The following FAM107B variants were observed in gnomAD, a reference collection of about 807,000 sequenced individuals.
FAM107B encodes protein FAM107B.
FAM107B carries 21 observed loss-of-function variants against 31.5 expected under a neutral mutation model. The observed-to-expected ratio is 0.67, with a 90% CI of 0.47 to 0.96. FAM107B has a LOEUF of 0.96. Among genes scored for constraint, FAM107B ranks in the 40% least tolerant of loss-of-function variants. The pLI, the probability that FAM107B is intolerant of heterozygous loss-of-function variation, is 0.00. For synonymous variants in FAM107B, 157 were observed against 141.5 expected, an observed-to-expected ratio of 1.11 and a Z score of -0.78; for missense variants, 452 against 377.1, an observed-to-expected ratio of 1.20 and a Z score of -1.64.
chr10:14,647,595 G>C (rs1853789549), intron 2 of FAM107B, among the ~76,000 whole-genome samples: 1 of 150,592 alleles, frequency 6.6e-6, no homozygotes, highest in South Asian at 2.1e-4. Flanking sequence ...GAGGCAGGAG[G>C]AATCACTTGA....
intron 2 of FAM107B, chr10:14,602,747 C>T (rs1386929462): frequency 6.6e-6 from 1 of 152,138 alleles, no homozygotes; most frequent in Non-Finnish European, 1.5e-5. Flanking sequence ...AAAATATAGT[C>T]CATGAAACTT....
chr10:14,771,400 C>T (rs958385372), intron 1 of FAM107B, among the ~76,000 whole-genome samples: 1 of 152,070 alleles, frequency 6.6e-6, no homozygotes, highest in Non-Finnish European at 1.5e-5. Context: ...GGAACAAATT[C>T]GAGTATTCGA....
At chr10:14,759,290 G>C (rs1832995120) in intron 1 of FAM107B, among the ~76,000 whole-genome samples, 1 of 152,184 alleles carries the variant, frequency 6.6e-6, no homozygotes. Context: ...AGAACAAACA[G>C]TGCCAGCAGA....
chr10:14,736,137 T>C (rs556453755), intron 1 of FAM107B, among the ~76,000 whole-genome samples: 1 of 152,218 alleles, frequency 6.6e-6, no homozygotes, highest in Middle Eastern at 3.4e-3. Context: ...AAACAGCATG[T>C]ACCTCCAGAA....
intron 2 of FAM107B, among the ~76,000 whole-genome samples, chr10:14,648,360 G>A (rs1007431700): frequency 1.3e-5 from 2 of 152,230 alleles, no homozygotes; most frequent in African/African-American, 4.8e-5. Context: ...CAAAAAGCCC[G>A]GAGAAGTACT....
At chr10:14,639,774 C>G (rs1853587587) in intron 2 of FAM107B, among the ~76,000 whole-genome samples, 1 of 152,200 alleles carries the variant, frequency 6.6e-6, no homozygotes, top group Non-Finnish European at 1.5e-5. Flanking sequence ...CATCTCCCAT[C>G]TTGCTTTCCC....
chr10:14,684,518 G>A (rs1588704156), intron 1 of FAM107B, among the ~76,000 whole-genome samples: 1 of 152,090 alleles, frequency 6.6e-6, no homozygotes, highest in South Asian at 2.1e-4. Flanking sequence ...CCAGCCTCAT[G>A]ACCTAATCAC....
At chr10:14,524,504 TCA>T (rs920742770) in intron 3 of FAM107B, among the ~76,000 whole-genome samples, 2 of 152,208 alleles carry the variant, frequency 1.3e-5, no homozygotes, top group African/African-American at 4.8e-5. Context: ...ATGGTTTATT[TCA>T]CAGTTATCAA....
At chr10:14,629,399 T>TAACATATATTATA (rs1588669165) in intron 2 of FAM107B, among the ~76,000 whole-genome samples, 1 of 34,922 alleles carries the variant, frequency 2.9e-5, no homozygotes, top group African/African-American at 1.3e-4. Context: ...ATAATATATA[T>TAACATATATTATA]TATATATTTA....
intron 3 of FAM107B, among the ~76,000 whole-genome samples, chr10:14,529,317 G>C (rs763776172): frequency 6.6e-6 from 1 of 152,078 alleles, no homozygotes; most frequent in African/African-American, 2.4e-5. Context: ...TAATATGCTG[G>C]GGATAAAACA....
chr10:14,672,367 C>A (rs1487384907), intron 1 of FAM107B, among the ~76,000 whole-genome samples: 1 of 152,150 alleles, frequency 6.6e-6, no homozygotes, highest in Non-Finnish European at 1.5e-5. Context: ...GGATTACAGG[C>A]GTGAGCCACT....
intron 1 of FAM107B, among the ~76,000 whole-genome samples, chr10:14,694,109 A>G (rs913009462): frequency 2.0e-5 from 3 of 152,210 alleles, no homozygotes; most frequent in Non-Finnish European, 2.9e-5. Flanking sequence ...TTCTTTATCC[A>G]TTCATGCACT....
In FAM107B at chr10:14,774,371, G is replaced by C; in HGVS notation, c.293C>G (p.Ala98Gly). ...TTCAGGCGTCTCCGCGGGCTGGGCC[G>C]CAGTGCGGTGACTTGAATTCCGATT... ...SANRNSSHRT[A>G]AQPAETPEDV... The change falls in exon 1 of 5, where the codon GCG (alanine) becomes GGG (glycine). Residue 98 changes from alanine to glycine, a missense_variant. Ala to Gly is a moderately conservative substitution (Grantham distance 60). Coordinates refer to ENST00000181796, the MANE Select transcript of FAM107B (RefSeq NM_031453.4). The C allele has an allele frequency of 6.2e-7, 1 of 1,614,202 alleles. No individual in the cohort carries two copies. Among genetic ancestry groups the C allele is most frequent in the South Asian group, 1.1e-5 (1 of 91,078 alleles).
At chr10:14,555,296 G>A (rs1040700440) in intron 2 of FAM107B, among the ~76,000 whole-genome samples, 19 of 152,154 alleles carry the variant, frequency 1.2e-4, no homozygotes, top group African/African-American at 4.1e-4. Context: ...GAAGTCATAC[G>A]ATGTTTTTTT....
At chr10:14,550,702 C>A (rs1185351006) in intron 2 of FAM107B, among the ~76,000 whole-genome samples, 1 of 152,186 alleles carries the variant, frequency 6.6e-6, no homozygotes, top group East Asian at 1.9e-4. Context: ...ATTCATTACC[C>A]AAGAACCCAG....
intron 2 of FAM107B, among the ~76,000 whole-genome samples, chr10:14,533,674 T>C (rs1847286535): frequency 6.6e-6 from 1 of 152,190 alleles, no homozygotes; most frequent in Admixed American, 6.5e-5. Context: ...CCACTCAGCC[T>C]TTCCTGGACG....
chr10:14,546,525 A>G (rs1848710247), intron 2 of FAM107B, among the ~76,000 whole-genome samples: 1 of 152,258 alleles, frequency 6.6e-6, no homozygotes, highest in Admixed American at 6.5e-5. Flanking sequence ...GTTTTAAGAT[A>G]GTACAGTCGT....
intron 2 of FAM107B, among the ~76,000 whole-genome samples, chr10:14,531,083 A>G (rs555019707): frequency 3.7e-4 from 57 of 152,204 alleles, no homozygotes; most frequent in Non-Finnish European, 7.2e-4. Flanking sequence ...TAAGATGCCT[A>G]ACCTTTCTCC....
At chr10:14,645,584 A>AG (rs1853732243) in intron 2 of FAM107B, among the ~76,000 whole-genome samples, 1 of 152,182 alleles carries the variant, frequency 6.6e-6, no homozygotes, top group Non-Finnish European at 1.5e-5. Flanking sequence ...CTCAGCTTGT[A>AG]GGGGGATGTG....
Sources: gnomAD v4.1 joint callset for allele counts (sites outside exome capture counted in the v4.1 genomes callset) on GRCh38, gnomAD v4.1.1 for gene constraint, MANE v1.5 for transcripts, NCBI Gene and HGNC (gene_info 2026-07-23, HGNC 2026-07-21) for gene names.